THSD7A: variants seen among roughly 807,000 people sequenced by gnomAD.
The protein encoded by THSD7A is thrombospondin type 1 domain containing 7A.
THSD7A carries 96 observed loss-of-function variants against 231.3 expected under a neutral mutation model. That is an observed-to-expected ratio of 0.41 (90% CI 0.35 to 0.49). The LOEUF (loss-of-function observed/expected upper bound fraction) is 0.49, where lower values mean the gene tolerates loss of function less well. THSD7A is among the 20% of genes least tolerant of loss of function. THSD7A has a pLI of 0.05. For synonymous variants in THSD7A, 940 were observed against 743.3 expected (o/e 1.26, Z -4.30); for missense variants, 2,290 against 2,070.2 (o/e 1.11, Z -2.06).
At chr7:11,748,847 C>T (rs1476860240) in intron 1 of THSD7A, among the ~76,000 whole-genome samples, 1 of 151,798 alleles carries the variant, frequency 6.6e-6, no homozygotes, top group East Asian at 1.9e-4. Context: ...TTTGGAGTCG[C>T]ACGTTGTTAT....
At chr7:11,626,079 A>C (rs1005504877) in intron 2 of THSD7A, among the ~76,000 whole-genome samples, 6 of 152,150 alleles carry the variant, frequency 3.9e-5, no homozygotes, top group African/African-American at 1.4e-4. Context: ...ATGATTAGGC[A>C]GTGACATATA....
Position 11,417,486 on chromosome 7 carries a change from C to A in THSD7A, c.3501G>T (p.Val1167=), listed in dbSNP as rs375831321. Residue 1167 remains valine (V), a synonymous_variant, in exon 17 of 28, where the codon GTG becomes GTT. Coordinates refer to ENST00000423059, the MANE Select transcript of THSD7A (RefSeq NM_015204.3). The part of the protein sequence containing the change: ...VCKLPCPEDC[V]ISEWGPWTQC... ...GGGTCCATGGACCCCATTCAGATAT[C>A]ACACAGTCCTCAGGGCATGGTAATT... The A allele has an allele frequency of 2.5e-6, 4 of 1,611,824 alleles. No individual in the cohort carries two copies. In the African/African-American group the frequency reaches 5.3e-5, roughly 22 times the overall value.
At chr7:11,703,152 G>A (rs1780657522) in intron 1 of THSD7A, among the ~76,000 whole-genome samples, 1 of 151,202 alleles carries the variant, frequency 6.6e-6, no homozygotes, top group Non-Finnish European at 1.5e-5. Flanking sequence ...TCTCGAGTGA[G>A]CCAGCACGTG....
chr7:11,667,438 C>T (rs1242564087), intron 1 of THSD7A, among the ~76,000 whole-genome samples: 2 of 152,046 alleles, frequency 1.3e-5, no homozygotes, highest in Admixed American at 6.6e-5. Context: ...TATAAACTCC[C>T]CATTTATTTC....
chr7:11,641,108 A>G (rs1047766455), intron 1 of THSD7A, among the ~76,000 whole-genome samples: 1 of 152,148 alleles, frequency 6.6e-6, no homozygotes, highest in East Asian at 1.9e-4. Context: ...TTCAGAATTC[A>G]TTATATAAGT....
intron 6 of THSD7A, among the ~76,000 whole-genome samples, chr7:11,496,782 A>C (rs1397438109): frequency 6.6e-6 from 1 of 152,222 alleles, no homozygotes; most frequent in African/African-American, 2.4e-5. Context: ...AAAACATACA[A>C]TGAAATGTTC....
intron 1 of THSD7A, among the ~76,000 whole-genome samples, chr7:11,660,393 C>T (rs1213794036): frequency 1.3e-5 from 2 of 151,354 alleles, no homozygotes; most frequent in African/African-American, 2.4e-5. Flanking sequence ...TAAAACAATT[C>T]TGGAATATCT....
At chr7:11,404,769 T>C (rs1783526780) in intron 22 of THSD7A, among the ~76,000 whole-genome samples, 1 of 152,164 alleles carries the variant, frequency 6.6e-6, no homozygotes, top group Non-Finnish European at 1.5e-5. Flanking sequence ...TATTTTATTC[T>C]ATTTTATTTT....
chr7:11,475,729 A>G (rs1476950221), intron 7 of THSD7A, among the ~76,000 whole-genome samples: 2 of 150,650 alleles, frequency 1.3e-5, no homozygotes, highest in African/African-American at 4.9e-5. Flanking sequence ...AGCTGTAAAA[A>G]TTGAACAAGT....
intron 1 of THSD7A, among the ~76,000 whole-genome samples, chr7:11,716,632 GT>G (rs371458904): frequency 1.6e-4 from 24 of 151,564 alleles, no homozygotes; most frequent in African/African-American, 5.3e-4. Flanking sequence ...TACAGTAGGG[GT>G]TTTTTTAAAT....
At chr7:11,629,439 C>G (rs184547309) in intron 2 of THSD7A, among the ~76,000 whole-genome samples, 2 of 152,092 alleles carry the variant, frequency 1.3e-5, no homozygotes, top group African/African-American at 4.8e-5. Context: ...GCGGGCAACT[C>G]GACGCTTTGG....
intron 1 of THSD7A, among the ~76,000 whole-genome samples, chr7:11,786,868 A>G (rs1322550529): frequency 6.6e-6 from 1 of 151,984 alleles, no homozygotes; most frequent in Non-Finnish European, 1.5e-5. Flanking sequence ...CATCAAACAA[A>G]TTATACATGC....
In THSD7A at chr7:11,831,807, G is replaced by T. The variant is rs1583326839; in HGVS notation, c.140C>A (p.Ala47Asp). 2.7e-6 allele frequency: 4 copies of T among 1,455,664 alleles called. No individual in the cohort carries two copies. Among genetic ancestry groups the T allele is most frequent in the Non-Finnish European group, 3.6e-6 (4 of 1,100,382 alleles). The allele number at this position is 1,455,664 out of a possible 1,614,324, so 90.2% of individuals were successfully genotyped here. A position where few individuals can be genotyped will look rare whatever the true frequency, so the allele number is the denominator to read the frequency against. Reference protein sequence around the residue: ...LLLLRPGAGRAAAQGEAEAPT... With the variant: ...LLLLRPGAGRDAAQGEAEAPT... ...CGCCTCCGCCTCGCCCTGCGCCGCAGCCCTGCCGGCGCCCGGGCGTAGCAG... is the reference window on the plus strand; with the variant it reads ...CGCCTCCGCCTCGCCCTGCGCCGCATCCCTGCCGGCGCCCGGGCGTAGCAG... Residue 47 changes from alanine (A) to aspartate (D), a missense_variant, in exon 1 of 28, where the codon GCT becomes GAT. By Grantham distance (126) the Ala-to-Asp change is moderately radical. Transcript: ENST00000423059. This position sits in a 1 kb window ranked among gnomAD's most constrained non-coding sequence, Gnocchi z 5.0.
At chr7:11,682,203 G>A (rs1005005434) in intron 1 of THSD7A, among the ~76,000 whole-genome samples, 1 of 152,006 alleles carries the variant, frequency 6.6e-6, no homozygotes. Flanking sequence ...ATAATCAAGA[G>A]TACAAAGAAA....
At chr7:11,478,914 A>G (rs1786310441) in intron 7 of THSD7A, among the ~76,000 whole-genome samples, 1 of 152,328 alleles carries the variant, frequency 6.6e-6, no homozygotes, top group Admixed American at 6.5e-5. Flanking sequence ...GAAGTTAGGC[A>G]TAGTTATACA....
In THSD7A at chr7:11,724,515, A is replaced by C. The variant is rs183668232; in HGVS notation, c.191-87554T>G. Among the ~76,000 whole-genome samples the C allele has an allele frequency of 8.2e-4, 125 of 152,028 alleles. 1 individual carries two copies. Among genetic ancestry groups the C allele is most frequent in the African/African-American group, 2.9e-3 (121 of 41,536 alleles). On this transcript the variant is annotated intron_variant, in intron 1 of 27. Coordinates refer to ENST00000423059, the MANE Select transcript of THSD7A (RefSeq NM_015204.3). ...AGACCTAGGCAAAAATTTAATGAAA[A>C]GAAAATAATATGTGAATATCTGTGT...
At chr7:11,417,705 C>A (rs1344070822) in intron 16 of THSD7A, 102 bp from the exon 17 acceptor site, 6 of 1,201,624 alleles carry the variant, frequency 5.0e-6, no homozygotes, top group Non-Finnish European at 6.8e-6. Context: ...GATGGTTCTC[C>A]TTAAGACATC....
At chr7:11,503,806 A>G (rs140509846) in intron 6 of THSD7A, among the ~76,000 whole-genome samples, 18,216 of 152,274 alleles carry the variant, frequency 0.12, 1,282 homozygotes, top group Middle Eastern at 0.17. Flanking sequence ...AAGTTAAAAA[A>G]TAACAGATGC....
intron 6 of THSD7A, among the ~76,000 whole-genome samples, chr7:11,498,469 G>A (rs1277881634): frequency 6.6e-6 from 1 of 152,070 alleles, no homozygotes; most frequent in African/African-American, 2.4e-5. Flanking sequence ...CCAGTTGACA[G>A]AGATCTGAAT....
Sources: gnomAD v4.1 joint callset for allele counts (sites outside exome capture counted in the v4.1 genomes callset) on GRCh38, gnomAD v4.1.1 for gene constraint, Gnocchi (gnomAD v3.1) non-coding constraint, MANE v1.5 for transcripts, NCBI Gene and HGNC (gene_info 2026-07-23, HGNC 2026-07-21) for gene names.